Variants in RARS1 observed in about 807,000 individuals in gnomAD.
RARS1 encodes arginine--tRNA ligase, cytoplasmic.
Under a neutral mutation model 78.7 loss-of-function variants are expected in RARS1, and 75 were observed. That is an observed-to-expected ratio of 0.95 (90% CI 0.79 to 1.15). The LOEUF is 1.15. RARS1 is among the 50% of genes most tolerant of loss of function. The pLI is 0.00. For synonymous variants in RARS1, 273 were observed against 268.2 expected, an observed-to-expected ratio of 1.02 and a Z score of -0.18; for missense variants, 787 against 787.5, an observed-to-expected ratio of 1.00 and a Z score of 0.01.
chr5:168,514,764 T>A (rs1280613221), intron 12 of RARS1, among the ~76,000 whole-genome samples: 1 of 152,236 alleles, frequency 6.6e-6, no homozygotes, highest in Non-Finnish European at 1.5e-5. Flanking sequence ...TAGTCTAAGA[T>A]CCAGTCCAGG....
rs1758214604 is a variant in RARS1 at position 168,497,247 on chromosome 5, TG to T, written c.726del (p.Thr243ProfsTer18). 3 of 1,576,720 alleles carry T rather than the reference TG, an allele frequency of 1.9e-6. No homozygotes were observed. Among genetic ancestry groups the T allele is most frequent in the Non-Finnish European group, 2.6e-6 (3 of 1,159,812 alleles). On this transcript the variant is annotated frameshift_variant, in exon 7 of 15. Transcript: ENST00000231572. LOFTEE classifies it high-confidence loss of function. ...TGTTAGGTTAAATCATGTAGGAGAC[TG>T]GGGGACCCAGTTTGGCATGCTCATC... ...DVLRLNHVGD[W>X]GTQFGMLIAH... is the part of the protein sequence containing the mutation.
At chr5:168,499,196 A>G (rs896532733) in intron 7 of RARS1, among the ~76,000 whole-genome samples, 5 of 151,902 alleles carry the variant, frequency 3.3e-5, no homozygotes, top group African/African-American at 1.2e-4. Flanking sequence ...CTGTAGTTCC[A>G]GCTACTTGGG....
intron 11 of RARS1, among the ~76,000 whole-genome samples, chr5:168,509,248 A>T (rs1211520876): frequency 1.3e-5 from 2 of 152,218 alleles, no homozygotes. Flanking sequence ...AAAGCTATGG[A>T]AATATATAAT....
At chr5:168,515,082 TTAA>T (rs1005248568) in intron 12 of RARS1, among the ~76,000 whole-genome samples, 3 of 152,270 alleles carry the variant, frequency 2.0e-5, no homozygotes, top group South Asian at 2.1e-4. Context: ...AGCTTCATAA[TTAA>T]TAATAATAAT....
Position 168,516,709 on chromosome 5 carries a change from T to A in RARS1, c.1453-69T>A, listed in dbSNP as rs970386820. The A allele has an allele frequency of 1.1e-5, 17 of 1,491,736 alleles. No individual in the cohort carries two copies. The East Asian group carries it at 3.9e-4, about 34-fold the overall frequency. 92.4% of individuals were successfully genotyped at this position (1,491,736 alleles called of 1,614,324 possible). ...TTAGATGTTCCCTACCCCAGTCTTATGCCTATGAGACACCAGGGCAGAAGC... is the reference window on the plus strand; with the variant it reads ...TTAGATGTTCCCTACCCCAGTCTTAAGCCTATGAGACACCAGGGCAGAAGC... On this transcript the variant is annotated intron_variant, in intron 12 of 14. Transcript: ENST00000231572.
chr5:168,518,075 T>A lies in RARS1; in HGVS notation c.1873+13T>A. On this transcript the variant is annotated intron_variant, in intron 14 of 14. Transcript: ENST00000231572. ...GATAGACAGACTGGTGAGTGTCTTT[T>A]TTTTTTTTTTTTTTTTTTTTAGTGA... 1 of 1,069,172 alleles carries A rather than the reference T, an allele frequency of 9.4e-7. No homozygotes were observed. The highest frequency in any genetic ancestry group is 1.2e-6 in the Non-Finnish European group (1 of 819,770). 66.2% of individuals were successfully genotyped at this position (1,069,172 alleles called of 1,614,324 possible).
rs878883445 is a variant in RARS1, at chr5:168,495,338, T to A, written c.603T>A (p.Pro201=). ...NKKVIVDFSS[P]NIAKEMHVGH... ...AGGTTATAGTTGACTTTTCCTCCCC[T>A]AATATAGCTAAAGAGATGCATGTAG... The change falls in exon 6 of 15, where the codon CCT becomes CCA. Residue 201 remains proline (P), a synonymous_variant. Coordinates refer to ENST00000231572, the MANE Select transcript of RARS1 (RefSeq NM_002887.4). The A allele has an allele frequency of 2.5e-6, 4 of 1,613,808 alleles. No individual in the cohort carries two copies. In the South Asian group the frequency reaches 4.4e-5, roughly 18 times the overall value.
chr5:168,490,052 G>T (rs1386670253), intron 2 of RARS1, among the ~76,000 whole-genome samples: 2 of 152,274 alleles, frequency 1.3e-5, no homozygotes, highest in Admixed American at 6.5e-5. Flanking sequence ...GACCTCAGGT[G>T]ATCTGCCTGT....
rs1342592408 is a variant in RARS1, at chr5:168,518,052, TAGAC to T, written c.1868_1871del (p.Gln623LeufsTer5). 1.3e-5 allele frequency: 19 copies of T among 1,516,292 alleles called. No individual in the cohort carries two copies. The highest frequency in any genetic ancestry group is 2.7e-5 in the East Asian group (1 of 37,552). The allele number at this position is 1,516,292 out of a possible 1,614,324, so 93.9% of individuals were successfully genotyped here. ...ATAGCTGCTACTGTGTGGAGAAAGA[TAGAC>T]AGACTGGTGAGTGTCTTTTTTTTTT... is the stretch of plus-strand genomic sequence containing the variant. On this transcript the variant is annotated frameshift_variant, in exon 14 of 15. Transcript: ENST00000231572. LOFTEE classifies it high-confidence loss of function.
chr5:168,499,162 A>G (rs1276489557), intron 7 of RARS1, among the ~76,000 whole-genome samples: 1 of 151,822 alleles, frequency 6.6e-6, no homozygotes, highest in Non-Finnish European at 1.5e-5. Flanking sequence ...TACATAAAAT[A>G]CAAAAAATTA....
intron 14 of RARS1, 128 bp downstream of exon 14, chr5:168,518,190 T>G (rs1403887982): frequency 5.2e-6 from 6 of 1,146,754 alleles, no homozygotes; most frequent in Middle Eastern, 3.3e-4. Flanking sequence ...CTCAAGTGAT[T>G]CTCCCACTTG....
At chr5:168,506,878 G>A (rs892352246) in intron 11 of RARS1, 47 bp downstream of exon 11, 2 of 1,419,118 alleles carry the variant, frequency 1.4e-6, no homozygotes, top group Non-Finnish European at 2.0e-6. Context: ...TTGATCCCAA[G>A]AGGCTACTTT....
At chr5:168,486,670 A>G (rs757154286) in intron 1 of RARS1, 127 bp downstream of exon 1, 28 of 982,214 alleles carry the variant, frequency 2.9e-5, no homozygotes, top group Non-Finnish European at 4.2e-5. Context: ...GTGGAGCGGC[A>G]CGGTCCCTGT....
intron 9 of RARS1, among the ~76,000 whole-genome samples, chr5:168,504,081 A>G (rs1264875709): frequency 1.3e-5 from 2 of 148,354 alleles, no homozygotes; most frequent in African/African-American, 2.5e-5. Context: ...AAAAAAAAGA[A>G]TAACGAGAGA....
At position 168,486,514 on chromosome 5, in the gene RARS1, T is replaced by C; in HGVS notation, c.16T>C (p.Ser6Pro). The C allele has an allele frequency of 1.9e-6, 3 of 1,559,132 alleles. No individual in the cohort carries two copies. The highest frequency in any genetic ancestry group is 2.6e-6 in the Non-Finnish European group (3 of 1,150,636). The part of the protein sequence containing the change: MDVLV[S>P]ECSARLLQQE... ...TGATGGGAGGATGGACGTACTGGTG[T>C]CTGAGTGCTCCGCGCGGCTGCTGCA... Residue 6 changes from serine to proline, a missense_variant, in exon 1 of 15, where the codon TCT (serine) becomes CCT (proline). Ser to Pro is a moderately conservative substitution (Grantham distance 74, BLOSUM62 -1). Coordinates refer to ENST00000231572, the MANE Select transcript of RARS1 (RefSeq NM_002887.4).
In RARS1 at chr5:168,494,520, A is replaced by G. The variant is rs1301798451; in HGVS notation, c.479-30A>G. 1.9e-6 allele frequency: 3 copies of G among 1,605,304 alleles called. No homozygotes were observed. The African/African-American group carries it at 4.0e-5, about 21-fold the overall frequency. On this transcript the variant is annotated intron_variant, in intron 4 of 14. Coordinates refer to ENST00000231572, the MANE Select transcript of RARS1 (RefSeq NM_002887.4). Reference sequence around the variant, plus strand: ...GAGTGATTATTCAAGATAAGACAGTATCTGATATTTTTTCTCTTCTATCCA... The same window carrying G: ...GAGTGATTATTCAAGATAAGACAGTGTCTGATATTTTTTCTCTTCTATCCA...
rs764727084 is a variant in RARS1, at chr5:168,493,868, A to G, written c.370-26A>G. The G allele has an allele frequency of 5.8e-6, 9 of 1,557,862 alleles. No homozygotes were observed. Among genetic ancestry groups the G allele is most frequent in the South Asian group, 2.3e-5 (2 of 88,208 alleles). On this transcript the variant is annotated intron_variant, in intron 3 of 14. Transcript: ENST00000231572. ...GTAACTTGCTGAAATCTGTTGTGTAATGAATCATTTTATATTGTGTTGTAG... is the reference window on the plus strand; with the variant it reads ...GTAACTTGCTGAAATCTGTTGTGTAGTGAATCATTTTATATTGTGTTGTAG...
chr5:168,495,473 T>G (rs112132879), intron 6 of RARS1, 37 bp downstream of exon 6: 1 of 1,586,170 alleles, frequency 6.3e-7, no homozygotes, highest in South Asian at 1.1e-5. Context: ...TCTCTTTCCT[T>G]ATTTTCTTGT....
intron 12 of RARS1, among the ~76,000 whole-genome samples, chr5:168,513,713 T>C (rs1758611523): frequency 6.6e-6 from 1 of 152,158 alleles, no homozygotes; most frequent in Non-Finnish European, 1.5e-5. Context: ...ATTATTATTA[T>C]TATTTTGCAT....
Sources: gnomAD v4.1 joint callset for allele counts (sites outside exome capture counted in the v4.1 genomes callset) on GRCh38, gnomAD v4.1.1 for gene constraint, MANE v1.5 for transcripts, NCBI Gene and HGNC (gene_info 2026-07-23, HGNC 2026-07-21) for gene names.